SRPX: variants seen among roughly 807,000 people sequenced by gnomAD.
SRPX encodes sushi repeat-containing protein SRPX.
A neutral mutation model predicts 38.1 loss-of-function variants in SRPX; 24 were observed. The ratio of observed to expected loss-of-function variants is 0.63; its 90% CI spans 0.46 to 0.89. The LOEUF (loss-of-function observed/expected upper bound fraction) is 0.89, where lower values mean the gene tolerates loss of function less well. SRPX is among the 40% of genes least tolerant of loss of function. The pLI is 0.00. For missense variants in SRPX, 416 were observed against 377.8 expected (o/e 1.10, Z -0.84); for synonymous variants, 184 against 153.8 (o/e 1.20, Z -1.45).
intron 5 of SRPX, among the ~76,000 whole-genome samples, chrX:38,162,795 C>T (rs1401460864): frequency 1.8e-5 from 2 of 112,630 alleles, no homozygotes; most frequent in Non-Finnish European, 3.8e-5. Context: ...GCCTGGGCAA[C>T]AGAGTGAGAA....
chrX:38,171,766 T>G, intron 4 of SRPX, 115 bp downstream of exon 4: 1 of 731,126 alleles, frequency 1.4e-6, no homozygotes, highest in Non-Finnish European at 2.0e-6. Context: ...GAGAGCAAAG[T>G]TGCATGCTTA....
rs192770795 is a variant in SRPX, at chrX:38,172,377, C to G, written c.350-320G>C. Among the ~76,000 whole-genome samples, 24 of 113,139 alleles carry G rather than the reference C, an allele frequency of 2.1e-4. No homozygotes were observed. In the East Asian group the frequency reaches 6.7e-3, roughly 32 times the overall value. ...CTACGGCAGGAGGATCGCTTGAACCCAGGAGGCAGAGGTTGCGGCGAGCTG... is the reference window on the plus strand; with the variant it reads ...CTACGGCAGGAGGATCGCTTGAACCGAGGAGGCAGAGGTTGCGGCGAGCTG... On this transcript the variant is annotated intron_variant, in intron 3 of 9. Transcript: ENST00000378533.
chrX:38,180,366 C>T (rs927996069), intron 1 of SRPX, among the ~76,000 whole-genome samples: 1 of 111,677 alleles, frequency 9.0e-6, no homozygotes, highest in African/African-American at 3.3e-5. Flanking sequence ...GATCAGCCTG[C>T]CATTTGGACA....
chrX:38,157,082 AACAGAGCCTATGATGACAC>A, intron 7 of SRPX, 53 bp from the exon 8 acceptor site: 7 of 1,174,278 alleles, frequency 6.0e-6, no homozygotes, highest in Non-Finnish European at 8.1e-6. Flanking sequence ...GTTCTGGCTC[AACAGAGCCTATGATGACAC>A]ACAGAACCAT....
intron 4 of SRPX, among the ~76,000 whole-genome samples, chrX:38,167,702 G>C (rs758447595): frequency 8.9e-6 from 1 of 111,912 alleles, no homozygotes; most frequent in South Asian, 3.8e-4. Context: ...AGTTATCTCT[G>C]TGCATATAAA....
Position 38,207,350 on chromosome X carries a change from T to A in SRPX, c.97+13346A>T, listed in dbSNP as rs1044361750. ...AACAGAAAAAAGACAAACACCTAAATCTGAGGAGGTCAGCCCAAAGCAGGG... is the reference window on the plus strand; with the variant it reads ...AACAGAAAAAAGACAAACACCTAAAACTGAGGAGGTCAGCCCAAAGCAGGG... On this transcript the variant is annotated intron_variant, in intron 1 of 9. Coordinates refer to ENST00000378533, the MANE Select transcript of SRPX (RefSeq NM_006307.5). Among the ~76,000 whole-genome samples, 6 of 111,539 alleles carry A rather than the reference T, an allele frequency of 5.4e-5. No homozygotes were observed. The Admixed American group carries it at 5.7e-4, about 11-fold the overall frequency.
intron 6 of SRPX, among the ~76,000 whole-genome samples, 153 bp from the exon 7 acceptor site, chrX:38,160,349 G>A (rs928772538): frequency 8.9e-6 from 1 of 111,754 alleles, no homozygotes; most frequent in South Asian, 3.8e-4. Flanking sequence ...TATTTGGTCA[G>A]TGAGTGAGTC....
chrX:38,191,296 G>A (rs750700722), intron 1 of SRPX, among the ~76,000 whole-genome samples: 1 of 112,083 alleles, frequency 8.9e-6, no homozygotes, highest in Non-Finnish European at 1.9e-5. Flanking sequence ...TCTGGTTTGA[G>A]ATAAGAAATC....
intron 8 of SRPX, among the ~76,000 whole-genome samples, chrX:38,155,856 G>A (rs1938123413): frequency 8.9e-6 from 1 of 111,920 alleles, no homozygotes; most frequent in South Asian, 3.7e-4. Flanking sequence ...GGGGAGGTAA[G>A]CTGGTGGGGA....
chrX:38,156,791 T>C, intron 8 of SRPX, 105 bp downstream of exon 8: 1 of 963,767 alleles, frequency 1.0e-6, no homozygotes, highest in Non-Finnish European at 1.4e-6. Flanking sequence ...TGAAACTCAC[T>C]GTAAGTGCAT....
chrX:38,180,469 C>T (rs1468962112), intron 1 of SRPX, among the ~76,000 whole-genome samples: 1 of 111,913 alleles, frequency 8.9e-6, no homozygotes, highest in Non-Finnish European at 1.9e-5. Context: ...TCAAACCATT[C>T]CCCATGTACT....
chrX:38,199,202 C>T lies in SRPX; in HGVS notation c.98-20858G>A, dbSNP rs752963004. Among the ~76,000 whole-genome samples the T allele has an allele frequency of 4.2e-3, 368 of 87,764 alleles. 1 individual carries two copies. Among genetic ancestry groups the T allele is most frequent in the African/African-American group, 0.014 (329 of 24,301 alleles). The allele number at this position is 87,764 out of a possible 115,157, so 76.2% of individuals were successfully genotyped here. ...CGGGTGGATCACGAGGTCAGGAGAT[C>T]GAGACCATCCTGGCTAACACGGTGA... On this transcript the variant is annotated intron_variant, in intron 1 of 9. Transcript: ENST00000378533.
chrX:38,176,166 A>T (rs1486828691), intron 2 of SRPX, among the ~76,000 whole-genome samples: 1 of 111,279 alleles, frequency 9.0e-6, no homozygotes, highest in Non-Finnish European at 1.9e-5. Flanking sequence ...AAAATATCTA[A>T]TATTTTGGGG....
chrX:38,158,640 T>C lies in SRPX; in HGVS notation c.955+1377A>G, dbSNP rs150623057. Reference sequence around the variant, plus strand: ...ATAGCTCTGGTCAAGAGAAATACAATGTAAGCCACTATATTTAATCTTAAA... The same window carrying C: ...ATAGCTCTGGTCAAGAGAAATACAACGTAAGCCACTATATTTAATCTTAAA... On this transcript the variant is annotated intron_variant, in intron 7 of 9. Coordinates refer to ENST00000378533, the MANE Select transcript of SRPX (RefSeq NM_006307.5). 2.2e-3 allele frequency among the ~76,000 whole-genome samples: 249 copies of C among 111,119 alleles called. 7 individuals are homozygous for C. The East Asian group carries it at 0.057, about 25-fold the overall frequency.
At chrX:38,160,857 G>A in intron 6 of SRPX, 76 bp downstream of exon 6, 3 of 1,142,307 alleles carry the variant, frequency 2.6e-6, no homozygotes, top group South Asian at 2.1e-5. Context: ...ACTTGAGAGA[G>A]TTCTGGCTTG....
intron 2 of SRPX, 39 bp downstream of exon 2, chrX:38,178,246 A>G: frequency 1.8e-6 from 2 of 1,129,983 alleles, no homozygotes; most frequent in Non-Finnish European, 2.4e-6. Context: ...TTCTCCTGGC[A>G]CCAGCAGGTC....
chrX:38,189,925 T>C (rs1256352099), intron 1 of SRPX, among the ~76,000 whole-genome samples: 3 of 112,171 alleles, frequency 2.7e-5, no homozygotes, highest in Non-Finnish European at 5.6e-5. Flanking sequence ...ATTACTGATA[T>C]GCTCAAGCTG....
intron 8 of SRPX, among the ~76,000 whole-genome samples, chrX:38,154,791 G>A (rs928433447): frequency 2.4e-4 from 27 of 112,011 alleles, no homozygotes; most frequent in Middle Eastern, 4.7e-3. Flanking sequence ...TTCAGATATG[G>A]CTTGACAGTG....
chrX:38,215,200 C>T lies in SRPX; in HGVS notation c.97+5496G>A, dbSNP rs1404699413. Among the ~76,000 whole-genome samples, 3 of 111,864 alleles carry T rather than the reference C, an allele frequency of 2.7e-5. No individual in the cohort carries two copies. The East Asian group carries it at 8.4e-4, about 31-fold the overall frequency. On this transcript the variant is annotated intron_variant, in intron 1 of 9. Transcript: ENST00000378533. Reference sequence around the variant, plus strand: ...ACAACCCCAAACCTCTGGGATAATCCAAGCCATTATGTCCAAACCCATTTA... The same window carrying T: ...ACAACCCCAAACCTCTGGGATAATCTAAGCCATTATGTCCAAACCCATTTA...
Sources: gnomAD v4.1 joint callset for allele counts (sites outside exome capture counted in the v4.1 genomes callset) on GRCh38, gnomAD v4.1.1 for gene constraint, MANE v1.5 for transcripts, NCBI Gene and HGNC (gene_info 2026-07-23, HGNC 2026-07-21) for gene names.